The following TNRC6B variants were observed in gnomAD, a reference collection of about 807,000 sequenced individuals.
TNRC6B encodes the protein trinucleotide repeat-containing gene 6B protein.
A neutral mutation model predicts 203.6 loss-of-function variants in TNRC6B; 52 were observed. The observed-to-expected ratio is 0.26, with a 90% CI of 0.20 to 0.32. TNRC6B has a LOEUF of 0.32. Ranked by LOEUF, TNRC6B falls within the 10% of genes least tolerant of loss-of-function variation. TNRC6B has a pLI of 1.00. For missense variants in TNRC6B, 1,923 were observed against 2,286.2 expected (o/e 0.84, Z 3.24); for synonymous variants, 838 against 845.7 (o/e 0.99, Z 0.16).
intron 21 of TNRC6B, among the ~76,000 whole-genome samples, chr22:40,316,522 C>T (rs1224875909): frequency 6.6e-6 from 1 of 152,126 alleles, no homozygotes; most frequent in Admixed American, 6.5e-5. Flanking sequence ...ATTAGCCAGG[C>T]ATGGTGGCAC....
chr22:40,071,139 C>T (rs970860064), intron 1 of TNRC6B, among the ~76,000 whole-genome samples: 1 of 151,880 alleles, frequency 6.6e-6, no homozygotes, highest in Non-Finnish European at 1.5e-5. Context: ...TTTTCTGCTA[C>T]AGGATGTAAG....
intron 1 of TNRC6B, among the ~76,000 whole-genome samples, chr22:40,100,207 C>T (rs2068225720): frequency 6.6e-6 from 1 of 151,872 alleles, no homozygotes; most frequent in African/African-American, 2.4e-5. Flanking sequence ...GTGCCTCAGG[C>T]TCCTGAGTAG....
chr22:40,262,297 TGA>T (rs2146494461), intron 4 of TNRC6B, 124 bp downstream of exon 4: 1 of 870,692 alleles, frequency 1.1e-6, no homozygotes, highest in Admixed American at 3.6e-5. Context: ...AGTCAAAAGA[TGA>T]GAGAGGATCC....
intron 2 of TNRC6B, among the ~76,000 whole-genome samples, chr22:40,122,186 C>G (rs1421449591): frequency 6.6e-6 from 1 of 152,258 alleles, no homozygotes; most frequent in Middle Eastern, 3.4e-3. Flanking sequence ...AAATGTCCTC[C>G]TTTTTAAAAG....
chr22:40,205,507 T>G (rs192487960), intron 1 of TNRC6B, among the ~76,000 whole-genome samples: 4 of 152,312 alleles, frequency 2.6e-5, no homozygotes, highest in Admixed American at 2.6e-4. Flanking sequence ...ACACTAATCA[T>G]CATCAACCTA....
At chr22:40,247,811 T>C (rs563582558) in intron 2 of TNRC6B, among the ~76,000 whole-genome samples, 67 of 152,200 alleles carry the variant, frequency 4.4e-4, no homozygotes, top group Non-Finnish European at 8.5e-4. Context: ...GGCTCATGCC[T>C]GTAATCCCAA....
At chr22:40,210,154 C>T (rs2069541919) in intron 1 of TNRC6B, among the ~76,000 whole-genome samples, 1 of 152,142 alleles carries the variant, frequency 6.6e-6, no homozygotes. Flanking sequence ...TTCCCCCCAA[C>T]CCCCAGGCTG....
chr22:40,125,812 G>T (rs2068487143), exon 3 of TNRC6B: 1 of 1,611,212 alleles, frequency 6.2e-7, no homozygotes, highest in Non-Finnish European at 8.5e-7. Context: ...CACAAAATCT[G>T]TTCCCATGCA....
chr22:40,057,880 A>G (rs141477640), intron 1 of TNRC6B, among the ~76,000 whole-genome samples: 36 of 152,282 alleles, frequency 2.4e-4, no homozygotes, highest in African/African-American at 8.2e-4. Flanking sequence ...GAGAGGTTTT[A>G]CTCAGATGTT....
intron 1 of TNRC6B, among the ~76,000 whole-genome samples, chr22:40,211,970 T>C (rs1356418531): frequency 1.3e-5 from 2 of 152,240 alleles, no homozygotes; most frequent in Admixed American, 6.5e-5. Flanking sequence ...GTCTTTCTTA[T>C]TTCAAATGTT....
At chr22:40,183,183 T>C (rs1372336404) in intron 1 of TNRC6B, among the ~76,000 whole-genome samples, 2 of 152,170 alleles carry the variant, frequency 1.3e-5, no homozygotes, top group Non-Finnish European at 2.9e-5. Flanking sequence ...GATAATATAT[T>C]GTTGCGACGC....
At chr22:40,139,837 G>A (rs574378482) in intron 3 of TNRC6B, among the ~76,000 whole-genome samples, 3 of 152,206 alleles carry the variant, frequency 2.0e-5, no homozygotes, top group Non-Finnish European at 4.4e-5. Flanking sequence ...TTAACTTTTT[G>A]AGGAACTGCC....
rs369071048 is a variant in TNRC6B, at chr22:40,108,929, C to A, written c.-120-8126C>A. Among the ~76,000 whole-genome samples the A allele has an allele frequency of 1.2e-4, 18 of 151,054 alleles. No individual in the cohort carries two copies. In the East Asian group the frequency reaches 2.5e-3, roughly 21 times the overall value. ...CTATTTTTCCTGATGTCTCCCTCCC[C>A]CCGCCACCCACCCCCAGCCAACAGG... On this transcript the variant is annotated intron_variant, in intron 1 of 23. Coordinates refer to the TNRC6B transcript ENST00000301923.
Position 40,099,911 on chromosome 22 carries a change from T to C in TNRC6B, c.-120-17144T>C, listed in dbSNP as rs373614521. The stretch of plus-strand genomic sequence containing the variant: ...GACTACAGGCGCCCGCCACCATGCC[T>C]GGCTAATTTTTTTGTATTTTTAGCA... On this transcript the variant is annotated intron_variant, in intron 1 of 23. Transcript: ENST00000301923. Among the ~76,000 whole-genome samples, 9 of 151,970 alleles carry C rather than the reference T, an allele frequency of 5.9e-5. No homozygotes were observed. The East Asian group carries it at 1.6e-3, about 26-fold the overall frequency.
chr22:40,164,592 G>C (rs1352300089), intron 4 of TNRC6B, among the ~76,000 whole-genome samples: 1 of 150,356 alleles, frequency 6.7e-6, no homozygotes, highest in Non-Finnish European at 1.5e-5. Flanking sequence ...GAGAAACCTG[G>C]TCTGTACTAC....
intron 1 of TNRC6B, among the ~76,000 whole-genome samples, chr22:40,201,291 T>C (rs2069408895): frequency 6.6e-6 from 1 of 152,160 alleles, no homozygotes; most frequent in Non-Finnish European, 1.5e-5. Flanking sequence ...ATAGGGAACA[T>C]GTCTCTGAAA....
At chr22:40,304,320 T>A (rs1209313318) in intron 15 of TNRC6B, among the ~76,000 whole-genome samples, 1 of 152,198 alleles carries the variant, frequency 6.6e-6, no homozygotes, top group Non-Finnish European at 1.5e-5. Context: ...TTAGCAAAAT[T>A]GAAAATATAC....
chr22:40,216,928 C>T (rs529210197), intron 1 of TNRC6B, among the ~76,000 whole-genome samples: 60 of 152,274 alleles, frequency 3.9e-4, no homozygotes, highest in African/African-American at 1.4e-3. Context: ...CCTTGAGTTG[C>T]CATCAGTCCC....
At chr22:40,086,388 A>G (rs1395922892) in intron 1 of TNRC6B, among the ~76,000 whole-genome samples, 2 of 152,192 alleles carry the variant, frequency 1.3e-5, no homozygotes, top group Non-Finnish European at 2.9e-5. Flanking sequence ...ATCCATTGCA[A>G]TGATTATTTT....
Sources: gnomAD v4.1 joint callset for allele counts (sites outside exome capture counted in the v4.1 genomes callset) on GRCh38, gnomAD v4.1.1 for gene constraint, MANE v1.5 for transcripts, NCBI Gene and HGNC (gene_info 2026-07-23, HGNC 2026-07-21) for gene names.